Variants in MSRA observed in about 807,000 individuals in gnomAD.
The protein encoded by MSRA is mitochondrial peptide methionine sulfoxide reductase.
MSRA carries 54 observed loss-of-function variants against 31.3 expected under a neutral mutation model. The ratio of observed to expected loss-of-function variants is 1.73; its 90% CI spans 1.39 to 2.17. The LOEUF (loss-of-function observed/expected upper bound fraction) is 2.17, where lower values mean the gene tolerates loss of function less well. Ranked by LOEUF, MSRA falls within the 30% of genes most tolerant of loss-of-function variation. The probability of loss-of-function intolerance (pLI) is 0.00; values close to 1 mark genes in which losing one functional copy is unlikely to be tolerated. For missense variants in MSRA, 507 were observed against 300.9 expected, an observed-to-expected ratio of 1.69 and a Z score of -5.07; for synonymous variants, 169 against 116.5, an observed-to-expected ratio of 1.45 and a Z score of -2.90.
At chr8:10,236,362 G>A (rs1219109699) in intron 2 of MSRA, among the ~76,000 whole-genome samples, 1 of 152,128 alleles carries the variant, frequency 6.6e-6, no homozygotes, top group Non-Finnish European at 1.5e-5. Flanking sequence ...CAATGAGAAG[G>A]TGGAGTCAAA....
At chr8:10,307,382 G>T (rs941803249) in intron 4 of MSRA, among the ~76,000 whole-genome samples, 2 of 152,028 alleles carry the variant, frequency 1.3e-5, no homozygotes, top group African/African-American at 4.8e-5. Context: ...GCTCAGGCTG[G>T]TCTGGAACTC....
At chr8:10,298,990 T>C (rs1178698870) in intron 3 of MSRA, among the ~76,000 whole-genome samples, 1 of 152,178 alleles carries the variant, frequency 6.6e-6, no homozygotes, top group Non-Finnish European at 1.5e-5. Flanking sequence ...CAGAAAAGAT[T>C]TAGTGATTTT....
intron 5 of MSRA, among the ~76,000 whole-genome samples, chr8:10,418,797 T>C (rs1477561364): frequency 4.4e-5 from 6 of 135,846 alleles, no homozygotes; most frequent in African/African-American, 8.4e-5. Context: ...TTTTATGTTA[T>C]GTGTATTTTA....
intron 3 of MSRA, among the ~76,000 whole-genome samples, chr8:10,259,210 T>C (rs768686168): frequency 1.3e-5 from 2 of 152,182 alleles, no homozygotes; most frequent in Non-Finnish European, 2.9e-5. Context: ...CTTAGATCTA[T>C]GGCCACTCTC....
chr8:10,098,181 A>G (rs969518569), intron 1 of MSRA, among the ~76,000 whole-genome samples: 2 of 152,172 alleles, frequency 1.3e-5, no homozygotes, highest in African/African-American at 4.8e-5. Context: ...CCATATTAGT[A>G]TTTCAAATCT....
At chr8:10,101,116 T>C (rs1313130857) in intron 1 of MSRA, among the ~76,000 whole-genome samples, 3 of 152,214 alleles carry the variant, frequency 2.0e-5, no homozygotes, top group African/African-American at 4.8e-5. Flanking sequence ...TTAGAGATAA[T>C]GTTCCTCAGC....
chr8:10,102,975 TG>T (rs1166543824), intron 1 of MSRA, among the ~76,000 whole-genome samples: 2 of 152,190 alleles, frequency 1.3e-5, no homozygotes, highest in African/African-American at 4.8e-5. Flanking sequence ...ACTTGTTTAA[TG>T]ATAGTTACAT....
At chr8:10,180,307 G>C (rs1806429659) in intron 1 of MSRA, among the ~76,000 whole-genome samples, 1 of 152,210 alleles carries the variant, frequency 6.6e-6, no homozygotes, top group East Asian at 1.9e-4. Flanking sequence ...GCATAGGTCA[G>C]GTATGTGGAA....
chr8:10,055,250 C>G (rs943860597), intron 1 of MSRA, among the ~76,000 whole-genome samples: 2 of 152,218 alleles, frequency 1.3e-5, no homozygotes, highest in Admixed American at 1.3e-4. Flanking sequence ...GCTGGGTCAG[C>G]TTAAAGCGAT....
At chr8:10,250,226 G>C (rs1797845936) in intron 3 of MSRA, among the ~76,000 whole-genome samples, 1 of 151,964 alleles carries the variant, frequency 6.6e-6, no homozygotes, top group African/African-American at 2.4e-5. Context: ...TCAGATTCCT[G>C]AATACTCTGA....
chr8:10,076,963 G>T (rs1237929336), intron 1 of MSRA, among the ~76,000 whole-genome samples: 2 of 151,296 alleles, frequency 1.3e-5, no homozygotes, highest in African/African-American at 4.9e-5. Flanking sequence ...GTAGGTAATG[G>T]GTTGATAGGT....
intron 5 of MSRA, among the ~76,000 whole-genome samples, chr8:10,348,357 CTT>C (rs34083972): frequency 6.2e-5 from 4 of 64,270 alleles, no homozygotes; most frequent in African/African-American, 2.0e-4. Context: ...AAATTATTGC[CTT>C]TTTTTTTTTT....
chr8:10,235,337 G>A (rs186153228), intron 2 of MSRA, among the ~76,000 whole-genome samples: 2 of 152,154 alleles, frequency 1.3e-5, no homozygotes, highest in African/African-American at 4.8e-5. Flanking sequence ...GAAATGAAAT[G>A]GAAATTACAT....
At chr8:10,187,676 G>A (rs181250398) in intron 1 of MSRA, among the ~76,000 whole-genome samples, 32 of 152,262 alleles carry the variant, frequency 2.1e-4, no homozygotes, top group African/African-American at 5.1e-4. Context: ...TACACTAAGC[G>A]TTACCGGCAG....
chr8:10,280,849 CACA>C (rs1383009875), intron 3 of MSRA, among the ~76,000 whole-genome samples: 4 of 152,194 alleles, frequency 2.6e-5, no homozygotes, highest in South Asian at 2.1e-4. Flanking sequence ...TACTAATGCA[CACA>C]ACAACATGGT....
intron 1 of MSRA, among the ~76,000 whole-genome samples, chr8:10,079,216 T>TGGCAGGATCTTGGCTTACTGCAGC: frequency 6.6e-6 from 1 of 152,244 alleles, no homozygotes; most frequent in African/African-American, 2.4e-5. Flanking sequence ...TGGAGTGCAG[T>TGGCAGGATCTTGGCTTACTGCAGC]GGCAGGATCT....
At chr8:10,221,978 A>G (rs1810548881) in intron 2 of MSRA, among the ~76,000 whole-genome samples, 1 of 152,134 alleles carries the variant, frequency 6.6e-6, no homozygotes, top group Admixed American at 6.6e-5. Context: ...CGAGATCATG[A>G]AGGGCAATTC....
chr8:10,099,952 G>C (rs1799425132), intron 1 of MSRA, among the ~76,000 whole-genome samples: 1 of 152,206 alleles, frequency 6.6e-6, no homozygotes, highest in Admixed American at 6.5e-5. Flanking sequence ...TGCCCAGTGA[G>C]TTTAAAGTGT....
chr8:10,327,291 A>G (rs1297427467), intron 5 of MSRA, among the ~76,000 whole-genome samples: 1 of 152,190 alleles, frequency 6.6e-6, no homozygotes, highest in African/African-American at 2.4e-5. Context: ...TCATCAGTAT[A>G]TAGCTACAAT....
Sources: gnomAD v4.1 joint callset for allele counts (sites outside exome capture counted in the v4.1 genomes callset) on GRCh38, gnomAD v4.1.1 for gene constraint, MANE v1.5 for transcripts, NCBI Gene and HGNC (gene_info 2026-07-23, HGNC 2026-07-21) for gene names.